The following ADAM12 variants were observed in gnomAD, a reference collection of about 807,000 sequenced individuals.
ADAM12 encodes ADAM metallopeptidase domain 12, also known as disintegrin and metalloproteinase domain-containing protein 12.
In ADAM12, 70 loss-of-function variants were observed where a neutral mutation model predicts 106.4. That is an observed-to-expected ratio of 0.66 (90% CI 0.54 to 0.80). The LOEUF (loss-of-function observed/expected upper bound fraction) is 0.80, where lower values mean the gene tolerates loss of function less well. Ranked by LOEUF, ADAM12 falls within the 30% of genes least tolerant of loss-of-function variation. The probability of loss-of-function intolerance (pLI) is 0.00; values close to 1 mark genes in which losing one functional copy is unlikely to be tolerated. For synonymous variants in ADAM12, 420 were observed against 433.5 expected (o/e 0.97, Z 0.39); for missense variants, 1,010 against 1,171.9 (o/e 0.86, Z 2.02).
chr10:126,320,910 C>T (rs1854072878), intron 2 of ADAM12, among the ~76,000 whole-genome samples: 1 of 152,148 alleles, frequency 6.6e-6, no homozygotes, highest in African/African-American at 2.4e-5. Flanking sequence ...AATGTCTTTG[C>T]AATTTTTCAA....
chr10:126,302,006 C>T (rs984635136), intron 2 of ADAM12, among the ~76,000 whole-genome samples: 7 of 152,132 alleles, frequency 4.6e-5, no homozygotes, highest in African/African-American at 1.7e-4. Flanking sequence ...CTTTCAAGTC[C>T]AAATCGTATA....
chr10:126,206,383 G>A (rs1957794817), intron 3 of ADAM12, among the ~76,000 whole-genome samples: 1 of 152,106 alleles, frequency 6.6e-6, no homozygotes, highest in South Asian at 2.1e-4. Flanking sequence ...CTTAGTCTAG[G>A]GAGACAGATG....
intron 2 of ADAM12, among the ~76,000 whole-genome samples, chr10:126,319,739 G>A (rs1405422663): frequency 2.6e-5 from 4 of 152,320 alleles, no homozygotes; most frequent in African/African-American, 4.8e-5. Flanking sequence ...CTTGTTAATT[G>A]TGACAAGTGT....
chr10:126,137,458 T>C (rs930455857), intron 4 of ADAM12, among the ~76,000 whole-genome samples: 4 of 152,260 alleles, frequency 2.6e-5, no homozygotes, highest in Middle Eastern at 3.2e-3. Flanking sequence ...ATATTCACAA[T>C]ATTATATACT....
At position 126,386,203 on chromosome 10, in the gene ADAM12, T is replaced by C. The variant is rs560665864; in HGVS notation, c.88+1855A>G. ...GAGGGAATGATTTGCAACTAGAGAG[T>C]CTGGGATCTAGGGTTCTGTTTTGGA... On this transcript the variant is annotated intron_variant, in intron 1 of 22. Transcript: ENST00000448723. 6.6e-5 allele frequency among the ~76,000 whole-genome samples: 10 copies of C among 151,724 alleles called. No homozygotes were observed. The South Asian group carries it at 2.1e-3, about 32-fold the overall frequency.
chr10:126,182,358 G>C (rs557694269), intron 3 of ADAM12, among the ~76,000 whole-genome samples: 1 of 152,010 alleles, frequency 6.6e-6, no homozygotes, highest in East Asian at 1.9e-4. Flanking sequence ...TTATAGTCTC[G>C]TACAAATGGA....
At chr10:126,019,624 C>G in intron 22 of ADAM12, 71 bp downstream of exon 22, 1 of 1,563,614 alleles carries the variant, frequency 6.4e-7, no homozygotes, top group Non-Finnish European at 8.7e-7. Flanking sequence ...CCTGTCCTGG[C>G]TTGGATTAGT....
At chr10:126,143,494 T>C (rs1021891038) in intron 4 of ADAM12, among the ~76,000 whole-genome samples, 3 of 151,528 alleles carry the variant, frequency 2.0e-5, no homozygotes, top group Non-Finnish European at 4.4e-5. Context: ...TGCATATATG[T>C]ATATGTGTGG....
At chr10:126,218,239 G>A (rs1958025420) in intron 3 of ADAM12, among the ~76,000 whole-genome samples, 1 of 152,100 alleles carries the variant, frequency 6.6e-6, no homozygotes, top group Non-Finnish European at 1.5e-5. Context: ...AGTGAGAAGG[G>A]ACACTATAAT....
At chr10:126,184,616 T>C (rs1364823037) in intron 3 of ADAM12, among the ~76,000 whole-genome samples, 1 of 152,228 alleles carries the variant, frequency 6.6e-6, no homozygotes, top group Non-Finnish European at 1.5e-5. Context: ...AGTTCAATTT[T>C]TCATGGTTTT....
chr10:126,339,203 A>G (rs1427007954), intron 1 of ADAM12, among the ~76,000 whole-genome samples: 1 of 152,038 alleles, frequency 6.6e-6, no homozygotes, highest in East Asian at 1.9e-4. Flanking sequence ...CCAAATCAAT[A>G]TTTTCTTCCC....
intron 3 of ADAM12, among the ~76,000 whole-genome samples, chr10:126,231,246 G>C (rs1222426651): frequency 6.6e-6 from 1 of 152,172 alleles, no homozygotes; most frequent in Non-Finnish European, 1.5e-5. Context: ...AAGTTTGCGA[G>C]AAACTTATTT....
intron 1 of ADAM12, among the ~76,000 whole-genome samples, chr10:126,373,984 C>T (rs547901607): frequency 4.1e-4 from 62 of 152,362 alleles, no homozygotes; most frequent in African/African-American, 1.4e-3. Context: ...CAAGCCCAGA[C>T]AGGCTGCCCT....
chr10:126,187,291 T>C (rs1369992815), intron 3 of ADAM12, among the ~76,000 whole-genome samples: 2 of 151,342 alleles, frequency 1.3e-5, no homozygotes, highest in Non-Finnish European at 2.9e-5. Flanking sequence ...TTACCTCTGT[T>C]TTTTAAGTTC....
intron 17 of ADAM12, among the ~76,000 whole-genome samples, chr10:126,044,619 G>A (rs1590328971): frequency 6.6e-6 from 1 of 152,144 alleles, no homozygotes; most frequent in Non-Finnish European, 1.5e-5. Context: ...CATATTTTAA[G>A]GCAAAATAAA....
At chr10:126,242,870 C>T (rs1392555419) in intron 3 of ADAM12, among the ~76,000 whole-genome samples, 3 of 152,164 alleles carry the variant, frequency 2.0e-5, no homozygotes, top group East Asian at 3.9e-4. Context: ...TTTGACATCA[C>T]AAAGGGCTGT....
intron 1 of ADAM12, among the ~76,000 whole-genome samples, chr10:126,381,469 T>C (rs1468012466): frequency 2.6e-5 from 4 of 151,994 alleles, no homozygotes; most frequent in Non-Finnish European, 4.4e-5. Flanking sequence ...TGAGATTCTG[T>C]CTGTATAAAA....
intron 11 of ADAM12, among the ~76,000 whole-genome samples, chr10:126,073,251 G>A (rs1360912941): frequency 9.9e-5 from 15 of 152,094 alleles, no homozygotes; most frequent in Admixed American, 9.8e-4. Context: ...ACCATGCCTG[G>A]CTAATTTTGT....
intron 4 of ADAM12, among the ~76,000 whole-genome samples, chr10:126,139,924 G>T (rs1956479423): frequency 7.1e-6 from 1 of 141,580 alleles, no homozygotes. Context: ...GGTATGTAGG[G>T]GAAGCATGAT....
Sources: allele counts gnomAD v4.1 joint callset (sites outside exome capture counted in the v4.1 genomes callset), GRCh38; gene constraint gnomAD v4.1.1; transcripts MANE v1.5; gene names NCBI Gene and HGNC (gene_info 2026-07-23, HGNC 2026-07-21).